ESD: variants seen among roughly 807,000 people sequenced by gnomAD.
ESD encodes esterase D, also known as S-formylglutathione hydrolase.
ESD carries 34 observed loss-of-function variants against 38.1 expected under a neutral mutation model. That is an observed-to-expected ratio of 0.89 (90% CI 0.68 to 1.19). The LOEUF is 1.19. Among genes scored for constraint, ESD ranks in the 50% most tolerant of loss-of-function variants. The pLI is 0.00. For missense variants in ESD, 334 were observed against 327.2 expected, an observed-to-expected ratio of 1.02 and a Z score of -0.16; for synonymous variants, 97 against 107.0, an observed-to-expected ratio of 0.91 and a Z score of 0.58.
At position 46,794,268 on chromosome 13, in the gene ESD, GAAGA is replaced by G. The variant is rs1365320500; in HGVS notation, c.-55-828_-55-825del. Among the ~76,000 whole-genome samples the G allele has an allele frequency of 5.3e-5, 8 of 152,282 alleles. No individual in the cohort carries two copies. In the East Asian group the frequency reaches 9.6e-4, roughly 18 times the overall value. ...TTAGTGAACATCAACATTCTTTGGA[GAAGA>G]AAGGGTCTCTCAGTGCATAATACAT... On this transcript the variant is annotated intron_variant, in intron 1 of 9. Coordinates refer to ENST00000378720, the MANE Select transcript of ESD (RefSeq NM_001984.2).
At chr13:46,777,412 A>C in intron 9 of ESD, 44 bp downstream of exon 9, 1 of 1,384,020 alleles carries the variant, frequency 7.2e-7, no homozygotes. Flanking sequence ...CTAATTTTTC[A>C]TAGTTACATT....
intron 3 of ESD, among the ~76,000 whole-genome samples, chr13:46,789,865 G>C (rs925796043): frequency 2.6e-5 from 4 of 151,784 alleles, no homozygotes; most frequent in Non-Finnish European, 5.9e-5. Flanking sequence ...GCCCAGGCTG[G>C]AGTGCAGTGG....
intron 8 of ESD, among the ~76,000 whole-genome samples, chr13:46,778,539 A>AT: frequency 6.6e-6 from 1 of 151,938 alleles, no homozygotes; most frequent in Middle Eastern, 3.4e-3. Flanking sequence ...AGAAAAGTAC[A>AT]TATCTAGATT....
Position 46,782,687 on chromosome 13 carries a change from A to G in ESD, c.361T>C (p.Tyr121His). The G allele has an allele frequency of 1.2e-6, 2 of 1,612,136 alleles. No homozygotes were observed. Among genetic ancestry groups the G allele is most frequent in the Non-Finnish European group, 1.7e-6 (2 of 1,178,700 alleles). Residue 121 changes from tyrosine (Y) to histidine (H), a missense_variant, in exon 6 of 10, where the codon TAC (tyrosine) becomes CAC (histidine). Tyr to His is a moderately conservative substitution (Grantham distance 83, BLOSUM62 2). Transcript: ENST00000378720. ...EDPWKTNYRM[Y>H]SYVTEELPQL... is the part of the protein sequence containing the mutation. ...ATTACCTCCTCTGTGACATAAGAGT[A>G]CATTCTGTAGTTGGTTTTCCAAGGA...
chr13:46,785,221 T>C (rs1875151225), intron 4 of ESD, among the ~76,000 whole-genome samples: 1 of 151,988 alleles, frequency 6.6e-6, no homozygotes. Context: ...ACTTAATTCT[T>C]TTACTATAGG....
At chr13:46,786,624 T>C (rs1163151945) in intron 4 of ESD, among the ~76,000 whole-genome samples, 1 of 152,008 alleles carries the variant, frequency 6.6e-6, no homozygotes, top group East Asian at 1.9e-4. Context: ...TGTAAGTTAT[T>C]TGACTTTTTA....
At chr13:46,775,797 C>T in intron 9 of ESD, 1 of 399,912 alleles carries the variant, frequency 2.5e-6, no homozygotes, top group Non-Finnish European at 5.1e-6. Context: ...TTTGTCTTGA[C>T]TCCTCATTAA....
intron 9 of ESD, chr13:46,776,789 T>C (rs1874813417): frequency 6.6e-6 from 1 of 152,096 alleles, no homozygotes; most frequent in South Asian, 2.1e-4. Flanking sequence ...TAATTTTCAG[T>C]GCTCATTTTT....
intron 3 of ESD, among the ~76,000 whole-genome samples, 184 bp from the exon 4 acceptor site, chr13:46,787,293 G>A (rs1193612077): frequency 1.3e-5 from 2 of 151,946 alleles, no homozygotes; most frequent in Admixed American, 1.3e-4. Context: ...AAGAAAGAAT[G>A]TGGTCAATTT....
At chr13:46,774,482 T>C (rs1034584185) in intron 9 of ESD, among the ~76,000 whole-genome samples, 2 of 152,196 alleles carry the variant, frequency 1.3e-5, no homozygotes, top group African/African-American at 2.4e-5. Flanking sequence ...TGGTATGATA[T>C]GTTAAGCAGC....
In ESD at chr13:46,781,587, G is replaced by A. The variant is rs1875003914; in HGVS notation, c.410C>T (p.Pro137Leu). 4.4e-6 allele frequency: 7 copies of A among 1,608,074 alleles called. No homozygotes were observed. In the East Asian group the frequency reaches 8.9e-5, roughly 21 times the overall value. ...AATAGACATCCTTTGGGGATCCACT[G>A]GAAAATTGGCATTTATGAGTTGGGG... ...ELPQLINANFPVDPQRMSIFG... is the reference protein window; with the variant it reads ...ELPQLINANFLVDPQRMSIFG... The change falls in exon 7 of 10, where the codon CCA (proline) becomes CTA (leucine). Residue 137 changes from proline (P) to leucine (L), a missense_variant. Coordinates refer to ENST00000378720, the MANE Select transcript of ESD (RefSeq NM_001984.2).
At chr13:46,785,290 G>C (rs1875153318) in intron 4 of ESD, among the ~76,000 whole-genome samples, 1 of 151,908 alleles carries the variant, frequency 6.6e-6, no homozygotes. Context: ...CGATTTTATT[G>C]ATCATTTCAC....
intron 8 of ESD, among the ~76,000 whole-genome samples, chr13:46,778,757 C>A (rs1347849725): frequency 2.0e-5 from 3 of 151,684 alleles, no homozygotes; most frequent in Non-Finnish European, 3.0e-5. Context: ...TCTCAAAGGA[C>A]CTAATCCTAA....
At chr13:46,789,691 CCTTT>C (rs1875321342) in intron 3 of ESD, among the ~76,000 whole-genome samples, 1 of 152,094 alleles carries the variant, frequency 6.6e-6, no homozygotes, top group East Asian at 1.9e-4. Context: ...ATTTTGTTGT[CCTTT>C]CTGATTTATC....
At chr13:46,782,870 G>C (rs1566280362) in intron 5 of ESD, 79 bp from the exon 6 acceptor site, 1 of 1,538,462 alleles carries the variant, frequency 6.5e-7, no homozygotes, top group East Asian at 2.3e-5. Flanking sequence ...AGATGAATCT[G>C]CAAGTCCATT....
intron 9 of ESD, chr13:46,776,599 T>C (rs1874806059): frequency 6.6e-6 from 1 of 152,110 alleles, no homozygotes; most frequent in Admixed American, 6.6e-5. Context: ...GATATCTCAT[T>C]TGGCGGTATA....
Position 46,771,454 on chromosome 13 carries a change from C to T in ESD, c.811G>A (p.Asp271Asn). ...SYYFIATFITDHIRHHAKYLN... is the reference protein window; with the variant it reads ...SYYFIATFITNHIRHHAKYLN... ...TATTTAGCATGATGTCTGATGTGGT[C>T]AGTAATAAAGGTTGCAATGAAGTAG... Residue 271 changes from aspartate to asparagine, a missense_variant, in exon 10 of 10, where the codon GAC becomes AAC. Physicochemically the swap from Asp to Asn is conservative, Grantham distance 23. Transcript: ENST00000378720. The T allele has an allele frequency of 3.1e-6, 5 of 1,606,572 alleles. No homozygotes were observed. The highest frequency in any genetic ancestry group is 4.3e-6 in the Non-Finnish European group (5 of 1,175,544).
intron 1 of ESD, among the ~76,000 whole-genome samples, chr13:46,795,289 G>A (rs974010948): frequency 6.6e-6 from 1 of 152,136 alleles, no homozygotes; most frequent in African/African-American, 2.4e-5. Flanking sequence ...TTAATTTACT[G>A]GTCAACGGAT....
chr13:46,772,887 T>C (rs1258647112), intron 9 of ESD, among the ~76,000 whole-genome samples: 1 of 152,176 alleles, frequency 6.6e-6, no homozygotes, highest in African/African-American at 2.4e-5. Context: ...GGTTTCGCCA[T>C]GTTAGCCAGG....
Sources: gnomAD v4.1 joint callset for allele counts (sites outside exome capture counted in the v4.1 genomes callset) on GRCh38, gnomAD v4.1.1 for gene constraint, MANE v1.5 for transcripts, NCBI Gene and HGNC (gene_info 2026-07-23, HGNC 2026-07-21) for gene names.